Variants in SEMA3D observed in about 807,000 individuals in gnomAD.
The protein encoded by SEMA3D is semaphorin 3D.
A neutral mutation model predicts 100.1 loss-of-function variants in SEMA3D; 84 were observed. The ratio of observed to expected loss-of-function variants is 0.84; its 90% CI spans 0.70 to 1.01. SEMA3D has a LOEUF of 1.01. SEMA3D is among the 50% of genes least tolerant of loss of function. The pLI is 0.00. For synonymous variants in SEMA3D, 312 were observed against 320.7 expected, an observed-to-expected ratio of 0.97 and a Z score of 0.29; for missense variants, 875 against 934.1, an observed-to-expected ratio of 0.94 and a Z score of 0.82.
intron 3 of SEMA3D, among the ~76,000 whole-genome samples, chr7:85,117,869 A>T (rs1467131731): frequency 1.3e-5 from 2 of 150,984 alleles, no homozygotes; most frequent in Non-Finnish European, 3.0e-5. Context: ...ACATATAGAT[A>T]TAAAAATATA....
At chr7:85,094,269 G>A (rs774975712) in intron 4 of SEMA3D, among the ~76,000 whole-genome samples, 3 of 151,974 alleles carry the variant, frequency 2.0e-5, no homozygotes, top group Non-Finnish European at 4.4e-5. Flanking sequence ...GTTTATTCAA[G>A]TTCCTAAGAA....
At chr7:85,078,633 C>T (rs1297630849) in intron 5 of SEMA3D, among the ~76,000 whole-genome samples, 1 of 152,178 alleles carries the variant, frequency 6.6e-6, no homozygotes, top group Non-Finnish European at 1.5e-5. Context: ...GTCATCTCTA[C>T]CCTTCTTTGG....
At chr7:85,005,016 C>G (rs561685716) in intron 18 of SEMA3D, among the ~76,000 whole-genome samples, 1 of 151,176 alleles carries the variant, frequency 6.6e-6, no homozygotes, top group South Asian at 2.1e-4. Context: ...TGCAAACAAC[C>G]ACAGGCAAAT....
chr7:85,033,892 C>CACAT (rs1323758068), intron 12 of SEMA3D, among the ~76,000 whole-genome samples: 2 of 150,474 alleles, frequency 1.3e-5, no homozygotes, highest in Non-Finnish European at 3.0e-5. Context: ...CACACACACA[C>CACAT]AATCTCCCAG....
intron 2 of SEMA3D, among the ~76,000 whole-genome samples, chr7:85,145,410 T>TA (rs1790173842): frequency 6.6e-6 from 1 of 152,126 alleles, no homozygotes; most frequent in Non-Finnish European, 1.5e-5. Context: ...GAAGCTGGCA[T>TA]ATTTTTATGC....
At chr7:85,057,449 G>C (rs1356875491) in intron 8 of SEMA3D, among the ~76,000 whole-genome samples, 1 of 152,148 alleles carries the variant, frequency 6.6e-6, no homozygotes, top group Admixed American at 6.5e-5. Context: ...AGAGAAAAGA[G>C]AAGCCAAAAA....
intron 15 of SEMA3D, among the ~76,000 whole-genome samples, chr7:85,017,455 T>A (rs1790136589): frequency 6.6e-6 from 1 of 151,630 alleles, no homozygotes; most frequent in Admixed American, 6.6e-5. Context: ...AACAAATAAA[T>A]GACAAAGCCC....
chr7:85,225,267 G>C, the SEMA3D span, among the ~76,000 whole-genome samples: 1 of 149,152 alleles, frequency 6.7e-6, no homozygotes, highest in African/African-American at 2.5e-5. Context: ...AATAAGCTGT[G>C]TTCTTCTAAT....
At chr7:85,037,520 A>C (rs976813612) in intron 11 of SEMA3D, among the ~76,000 whole-genome samples, 1 of 152,156 alleles carries the variant, frequency 6.6e-6, no homozygotes, top group African/African-American at 2.4e-5. Context: ...TAAATATTTG[A>C]ATAATAATCC....
At chr7:85,137,490 T>C (rs1180972817) in intron 2 of SEMA3D, among the ~76,000 whole-genome samples, 1 of 152,090 alleles carries the variant, frequency 6.6e-6, no homozygotes, top group Non-Finnish European at 1.5e-5. Context: ...GTATTAATGA[T>C]ACCTTTAATA....
intron 8 of SEMA3D, 36 bp from the exon 9 acceptor site, chr7:85,055,895 T>C (rs1439012826): frequency 8.1e-6 from 10 of 1,229,352 alleles, no homozygotes; most frequent in Admixed American, 2.0e-5. Context: ...ATTAAGATAC[T>C]GAAACAATCC....
chr7:85,017,281 T>C (rs1041326047), intron 15 of SEMA3D, among the ~76,000 whole-genome samples: 1 of 151,764 alleles, frequency 6.6e-6, no homozygotes, highest in African/African-American at 2.4e-5. Context: ...CACTTTCTTG[T>C]CTCTGTCTTT....
the SEMA3D span, among the ~76,000 whole-genome samples, chr7:85,248,195 T>C: frequency 6.6e-6 from 1 of 152,196 alleles, no homozygotes; most frequent in South Asian, 2.1e-4. Flanking sequence ...CAAGAAGATA[T>C]ACACAGAGCA....
chr7:85,038,402 G>A (rs781426670), intron 11 of SEMA3D, among the ~76,000 whole-genome samples: 1 of 152,124 alleles, frequency 6.6e-6, no homozygotes, highest in Non-Finnish European at 1.5e-5. Context: ...ATATTTTAAA[G>A]GTATGATGCC....
At chr7:85,006,999 A>G in intron 17 of SEMA3D, 58 bp from the exon 18 acceptor site, 1 of 1,396,558 alleles carries the variant, frequency 7.2e-7, no homozygotes, top group Non-Finnish European at 1.0e-6. Flanking sequence ...AAGCAATGGG[A>G]AAACAGACTG....
At chr7:85,227,542 C>A in the SEMA3D span, among the ~76,000 whole-genome samples, 1 of 151,994 alleles carries the variant, frequency 6.6e-6, no homozygotes, top group Non-Finnish European at 1.5e-5. Flanking sequence ...TCCAGAACTA[C>A]AAAAAATAAA....
chr7:85,101,838 C>A (rs1434135942), intron 3 of SEMA3D, among the ~76,000 whole-genome samples: 1 of 151,946 alleles, frequency 6.6e-6, no homozygotes, highest in Non-Finnish European at 1.5e-5. Flanking sequence ...GATTATTAAA[C>A]TCTACTTTGG....
rs569981087 is a variant in SEMA3D at position 84,998,591 on chromosome 7, T to G, written c.*849A>C. On this transcript the variant is annotated 3_prime_UTR_variant, in exon 19 of 19. Coordinates refer to ENST00000284136, the MANE Select transcript of SEMA3D (RefSeq NM_001384900.1). ...CAAAGCCAGAATTTATGGCTGTCTT[T>G]CCTTCTGTCTTCTAACAAATCCCAT... 2 of 152,244 alleles carry G rather than the reference T, an allele frequency of 1.3e-5. No individual in the cohort carries two copies. Among genetic ancestry groups the G allele is most frequent in the Admixed American group, 6.5e-5 (1 of 15,300 alleles). The allele number at this position is 152,244 out of a possible 1,614,324, so 9.4% of individuals were successfully genotyped here.
chr7:85,023,879 T>C (rs1461800912), intron 12 of SEMA3D, among the ~76,000 whole-genome samples: 3 of 151,994 alleles, frequency 2.0e-5, no homozygotes, highest in African/African-American at 7.2e-5. Context: ...AATTTAAGAA[T>C]ATCTTTATCT....
Sources: gnomAD v4.1 joint callset for allele counts (sites outside exome capture counted in the v4.1 genomes callset) on GRCh38, gnomAD v4.1.1 for gene constraint, MANE v1.5 for transcripts, NCBI Gene and HGNC (gene_info 2026-07-23, HGNC 2026-07-21) for gene names.